The following TLE5 variants were observed in gnomAD, a reference collection of about 807,000 sequenced individuals.
TLE5 encodes the protein TLE family member 5.
In TLE5, 7 loss-of-function variants were observed where a neutral mutation model predicts 25.8. That is an observed-to-expected ratio of 0.27 (90% CI 0.15 to 0.51). The LOEUF (loss-of-function observed/expected upper bound fraction) is 0.51, where lower values mean the gene tolerates loss of function less well. Among genes scored for constraint, TLE5 ranks in the 20% least tolerant of loss-of-function variants. TLE5 has a pLI of 0.97. For missense variants in TLE5, 149 were observed against 250.7 expected (o/e 0.59, Z 2.74); for synonymous variants, 132 against 110.5 (o/e 1.20, Z -1.22).
At chr19:3,054,086 T>TGGGGGGGGGGGGCG in intron 6 of TLE5, 34 bp downstream of exon 6, 1 of 1,512,800 alleles carries the variant, frequency 6.6e-7, no homozygotes, top group Non-Finnish European at 8.9e-7. Context: ...GGCCCACCTG[T>TGGGGGGGGGGGGCG]CCCCCGCCCA....
chr19:3,054,086 T>TCCGGGGGGGGGGGGCCCCC, intron 6 of TLE5, 34 bp downstream of exon 6: 1 of 1,512,818 alleles, frequency 6.6e-7, no homozygotes, highest in Non-Finnish European at 8.9e-7. Flanking sequence ...GGCCCACCTG[T>TCCGGGGGGGGGGGGCCCCC]CCCCCGCCCA....
chr19:3,056,293 GA>G lies in TLE5; in HGVS notation c.234+18del. 1 of 1,513,808 alleles carries G rather than the reference GA, an allele frequency of 6.6e-7. No individual in the cohort carries two copies. 93.8% of individuals were successfully genotyped at this position (1,513,808 alleles called of 1,614,324 possible). A position where few individuals can be genotyped will look rare whatever the true frequency, so the allele number is the denominator to read the frequency against. On this transcript the variant is annotated intron_variant, in intron 4 of 6. Coordinates refer to ENST00000327141, the MANE Select transcript of TLE5 (RefSeq NM_001130.6). Reference sequence around the variant, plus strand: ...GGGGAAGGAGGAGGAGGAGGAGGAGGAGGAGGAGATGGGCGTACCTGTTTGT... The same window carrying G: ...GGGGAAGGAGGAGGAGGAGGAGGAGGGGAGGAGATGGGCGTACCTGTTTGT...
At chr19:3,061,109 T>TG (rs750637623) in intron 2 of TLE5, 51 bp downstream of exon 2, 7 of 1,391,018 alleles carry the variant, frequency 5.0e-6, no homozygotes, top group Admixed American at 1.7e-5. Flanking sequence ...GCAGAAGAAA[T>TG]GGGGGGACTC....
chr19:3,060,113 G>A (rs2145264523), intron 2 of TLE5, among the ~76,000 whole-genome samples: 1 of 152,016 alleles, frequency 6.6e-6, no homozygotes, highest in East Asian at 1.9e-4. Flanking sequence ...TTTAGAGAGG[G>A]CCCCAAGGCC....
chr19:3,058,558 G>A (rs1696114017), intron 2 of TLE5, among the ~76,000 whole-genome samples: 1 of 152,214 alleles, frequency 6.6e-6, no homozygotes, highest in African/African-American at 2.4e-5. Context: ...CTCCCTCTTA[G>A]TCCTTCCTAA....
chr19:3,062,958 G>A (rs1463188844), upstream of TLE5: 55 of 740,742 alleles, frequency 7.4e-5, no homozygotes, highest in East Asian at 9.2e-4. Context: ...GCCAGGCCCC[G>A]CTGCTCCAGG....
At chr19:3,055,461 C>T (rs2090209073) in intron 5 of TLE5, 4 of 401,270 alleles carry the variant, frequency 1.0e-5, no homozygotes, top group Non-Finnish European at 1.8e-5. Context: ...GGCCCGCCCC[C>T]CACACGCCTG....
chr19:3,060,278 C>T (rs1442547855), intron 2 of TLE5, among the ~76,000 whole-genome samples: 6 of 151,576 alleles, frequency 4.0e-5, no homozygotes. Flanking sequence ...TGGACACCCC[C>T]GAGGAAATAA....
In TLE5 at chr19:3,053,840, ATCC is replaced by A; in HGVS notation, c.570_572del (p.Glu190del). 1 of 1,612,772 alleles carries A rather than the reference ATCC, an allele frequency of 6.2e-7. No homozygotes were observed. The highest frequency in any genetic ancestry group is 8.5e-7 in the Non-Finnish European group (1 of 1,179,894). On this transcript the variant is annotated inframe_deletion, in exon 7 of 7. Coordinates refer to ENST00000327141, the MANE Select transcript of TLE5 (RefSeq NM_001130.6). ...CCTGCTAATCCGACTTCTCGCCATC[ATCC>A]TCCTGGTGGGTGTCACCATCGTGCC...
At chr19:3,059,969 C>T (rs112995049) in intron 2 of TLE5, among the ~76,000 whole-genome samples, 4,582 of 152,228 alleles carry the variant, frequency 0.03, 162 homozygotes, top group East Asian at 0.1. Context: ...GAGGCACGAA[C>T]GGTCTTGAGC....
chr19:3,057,909 G>C (rs1220282484), intron 2 of TLE5, among the ~76,000 whole-genome samples, 167 bp from the exon 3 acceptor site: 1 of 151,966 alleles, frequency 6.6e-6, no homozygotes, highest in Non-Finnish European at 1.5e-5. Flanking sequence ...TTGAGACGGG[G>C]GTCTCCCTAT....
chr19:3,053,044 G>A lies in TLE5; in HGVS notation c.*775C>T, dbSNP rs1599265872. 6.7e-6 allele frequency: 1 copy of A among 150,092 alleles called. No homozygotes were observed. Among genetic ancestry groups the A allele is most frequent in the Admixed American group, 6.6e-5 (1 of 15,058 alleles). The allele number at this position is 150,092 out of a possible 1,614,324, so 9.3% of individuals were successfully genotyped here. On this transcript the variant is annotated 3_prime_UTR_variant, in exon 7 of 7. Transcript: ENST00000327141. ...ATATACAGACACAGGTGTGGGTGTT[G>A]CTTTTTTTTAAAAACACTTTTGTCT...
intron 1 of TLE5, chr19:3,061,472 C>T (rs2090267178): frequency 2.7e-6 from 1 of 370,092 alleles, no homozygotes; most frequent in South Asian, 3.4e-5. Flanking sequence ...GGAGCCGCCC[C>T]GTCCCCCGCC....
At chr19:3,054,086 T>TGGGGGGGGGGGGCCGC in intron 6 of TLE5, 34 bp downstream of exon 6, 1 of 1,512,816 alleles carries the variant, frequency 6.6e-7, no homozygotes, top group Non-Finnish European at 8.9e-7. Flanking sequence ...GGCCCACCTG[T>TGGGGGGGGGGGGCCGC]CCCCCGCCCA....
chr19:3,062,719 C>CG, upstream of TLE5: 1 of 1,526,768 alleles, frequency 6.5e-7, no homozygotes, highest in Non-Finnish European at 8.8e-7. Context: ...GGCCGGGCCT[C>CG]GGTTTCCCCA....
intron 2 of TLE5, among the ~76,000 whole-genome samples, chr19:3,058,534 G>A (rs1015928748): frequency 1.7e-4 from 26 of 152,186 alleles, no homozygotes; most frequent in Non-Finnish European, 3.4e-4. Flanking sequence ...GGACTTCCCA[G>A]GCAGACCCCT....
At chr19:3,062,775 C>T, upstream of TLE5, 9 of 1,549,060 alleles carry the variant, frequency 5.8e-6, no homozygotes, top group African/African-American at 1.4e-5. Context: ...AAGCCGCCGG[C>T]CCTGCTGTGG....
chr19:3,062,872 TG>T (rs748725642), upstream of TLE5: 22 of 1,460,402 alleles, frequency 1.5e-5, no homozygotes, highest in Non-Finnish European at 1.9e-5. Flanking sequence ...TTTCCTTTTC[TG>T]CAGAAAGGCA....
At chr19:3,054,086 T>TCCGGGGGGGGCC in intron 6 of TLE5, 34 bp downstream of exon 6, 1 of 1,512,810 alleles carries the variant, frequency 6.6e-7, no homozygotes, top group Non-Finnish European at 8.9e-7. Context: ...GGCCCACCTG[T>TCCGGGGGGGGCC]CCCCCGCCCA....
Sources: allele counts gnomAD v4.1 joint callset (sites outside exome capture counted in the v4.1 genomes callset), GRCh38; gene constraint gnomAD v4.1.1; transcripts MANE v1.5; gene names NCBI Gene and HGNC (gene_info 2026-07-23, HGNC 2026-07-21).